The following COX7B2 variants were observed in gnomAD, a reference collection of about 807,000 sequenced individuals.
COX7B2 encodes cytochrome c oxidase subunit 7B2, mitochondrial.
For synonymous variants in COX7B2, 37 were observed against 32.1 expected, an observed-to-expected ratio of 1.15 and a Z score of -0.51; for missense variants, 109 against 95.9, an observed-to-expected ratio of 1.14 and a Z score of -0.57.
At chr4:46,770,021 T>G (rs1383940311) in intron 2 of COX7B2, among the ~76,000 whole-genome samples, 2 of 152,146 alleles carry the variant, frequency 1.3e-5, no homozygotes, top group Non-Finnish European at 2.9e-5. Flanking sequence ...CAAGAGGAAG[T>G]GATAAAATGC....
At chr4:46,785,917 T>C (rs1717732402) in intron 2 of COX7B2, among the ~76,000 whole-genome samples, 1 of 152,322 alleles carries the variant, frequency 6.6e-6, no homozygotes, top group East Asian at 1.9e-4. Context: ...CATCTTTCTA[T>C]ACCTATTCTC....
chr4:46,871,349 G>C (rs565731355), intron 1 of COX7B2, among the ~76,000 whole-genome samples: 23 of 152,156 alleles, frequency 1.5e-4, no homozygotes, highest in African/African-American at 5.5e-4. Flanking sequence ...ACTAAATATG[G>C]ATTAAATTAA....
chr4:46,780,245 G>A lies in COX7B2; in HGVS notation c.-49-45004C>T, dbSNP rs146944370. Among the ~76,000 whole-genome samples the A allele has an allele frequency of 5.8e-3, 878 of 152,268 alleles. 13 individuals carry two copies. The highest frequency in any genetic ancestry group is 0.02 in the African/African-American group (835 of 41,550). On this transcript the variant is annotated intron_variant, in intron 2 of 2. Transcript: ENST00000355591. ...GTCTAAACCCCTGCTGGCCGGGCAC[G>A]GTGGCTCACACCTGTAATCCCCAGC... is the stretch of plus-strand genomic sequence containing the variant.
intron 2 of COX7B2, among the ~76,000 whole-genome samples, chr4:46,742,526 C>A: frequency 6.6e-6 from 1 of 151,974 alleles, no homozygotes; most frequent in South Asian, 2.1e-4. Context: ...GAAGCAATGC[C>A]GCTGGTAAAA....
chr4:46,887,401 A>C (rs1719140935), intron 1 of COX7B2, among the ~76,000 whole-genome samples: 1 of 152,200 alleles, frequency 6.6e-6, no homozygotes, highest in Non-Finnish European at 1.5e-5. Context: ...GATCATGTAC[A>C]TAAAACTACT....
chr4:46,756,345 A>T (rs58221576), intron 2 of COX7B2, among the ~76,000 whole-genome samples: 1 of 151,940 alleles, frequency 6.6e-6, no homozygotes, highest in East Asian at 1.9e-4. Context: ...AAGACCTAAA[A>T]GTATAAAAAT....
At chr4:46,810,688 A>G (rs924961203) in intron 2 of COX7B2, among the ~76,000 whole-genome samples, 2 of 152,088 alleles carry the variant, frequency 1.3e-5, no homozygotes, top group Non-Finnish European at 2.9e-5. Flanking sequence ...CAACACCATT[A>G]AAGTATTGGA....
chr4:46,837,847 G>T (rs1715643258), intron 2 of COX7B2, among the ~76,000 whole-genome samples: 1 of 151,944 alleles, frequency 6.6e-6, no homozygotes, highest in South Asian at 2.1e-4. Context: ...TCAGGATAAG[G>T]TATGGGGAAT....
At chr4:46,818,599 T>C (rs1714018788) in intron 2 of COX7B2, among the ~76,000 whole-genome samples, 1 of 150,320 alleles carries the variant, frequency 6.7e-6, no homozygotes, top group African/African-American at 2.5e-5. Context: ...ATCAAGCCAC[T>C]GCACTCCAGC....
intron 1 of COX7B2, among the ~76,000 whole-genome samples, chr4:46,892,908 G>A (rs1719525127): frequency 6.6e-6 from 1 of 152,160 alleles, no homozygotes; most frequent in South Asian, 2.1e-4. Flanking sequence ...ATGATAGTAA[G>A]TTCTCAGGAT....
chr4:46,880,075 T>G (rs547424129), intron 1 of COX7B2, among the ~76,000 whole-genome samples: 2 of 152,160 alleles, frequency 1.3e-5, no homozygotes, highest in South Asian at 4.1e-4. Flanking sequence ...TTCAGTGTAA[T>G]GTTTGCTGTG....
In COX7B2 at chr4:46,734,972, G is replaced by A. The variant is rs538139494; in HGVS notation, c.221C>T (p.Thr74Ile). ...TTACTGATGTTTCCACTCTTTTGGG[G>A]TAACTCTGCCAACAGGGGATAGGTT... ...EWNLSPVGRV[T>I]PKEWKHQ The change falls in exon 3 of 3, where the codon ACC becomes ATC. Residue 74 changes from threonine (T) to isoleucine (I), a missense_variant. Transcript: ENST00000355591. 6.2e-7 allele frequency: 1 copy of A among 1,613,954 alleles called. No individual in the cohort carries two copies. Among genetic ancestry groups the A allele is most frequent in the African/African-American group, 1.3e-5 (1 of 75,020 alleles).
intron 1 of COX7B2, among the ~76,000 whole-genome samples, chr4:46,865,491 CA>C (rs1717612897): frequency 6.6e-6 from 1 of 152,166 alleles, no homozygotes; most frequent in Non-Finnish European, 1.5e-5. Context: ...GACCAACGCT[CA>C]ATTTGGTACA....
intron 1 of COX7B2, among the ~76,000 whole-genome samples, chr4:46,905,020 A>G (rs1720290408): frequency 6.6e-6 from 1 of 152,192 alleles, no homozygotes; most frequent in African/African-American, 2.4e-5. Context: ...CTTTCAAATT[A>G]AAACCTTTTC....
chr4:46,801,269 A>C, intron 2 of COX7B2, among the ~76,000 whole-genome samples: 1 of 152,168 alleles, frequency 6.6e-6, no homozygotes, highest in East Asian at 1.9e-4. Context: ...TTCTGCCATA[A>C]AGACATATGC....
intron 2 of COX7B2, among the ~76,000 whole-genome samples, chr4:46,841,332 G>T (rs1267310567): frequency 8.5e-6 from 1 of 117,072 alleles, no homozygotes; most frequent in Non-Finnish European, 1.9e-5. Flanking sequence ...TACCAAATGT[G>T]CTCTGTGTGT....
intron 2 of COX7B2, among the ~76,000 whole-genome samples, chr4:46,838,362 AAT>A (rs920357608): frequency 6.6e-6 from 1 of 152,070 alleles, no homozygotes; most frequent in South Asian, 2.1e-4. Context: ...AAACATGTAT[AAT>A]ATATATATTT....
intron 1 of COX7B2, among the ~76,000 whole-genome samples, chr4:46,873,653 A>G (rs1718143217): frequency 6.6e-6 from 1 of 152,174 alleles, no homozygotes; most frequent in Non-Finnish European, 1.5e-5. Flanking sequence ...TAGGAGCTTA[A>G]TAAATTTTGC....
intron 2 of COX7B2, among the ~76,000 whole-genome samples, chr4:46,766,071 C>CAT (rs1716516832): frequency 3.9e-5 from 6 of 152,154 alleles, no homozygotes; most frequent in African/African-American, 1.4e-4. Flanking sequence ...CTCAGCCAGA[C>CAT]CCTGTTTCCA....
Sources: allele counts gnomAD v4.1 joint callset (sites outside exome capture counted in the v4.1 genomes callset), GRCh38; gene constraint gnomAD v4.1.1; transcripts MANE v1.5; gene names NCBI Gene and HGNC (gene_info 2026-07-23, HGNC 2026-07-21).